The following ME1 variants were observed in gnomAD, a reference collection of about 807,000 sequenced individuals.
ME1 encodes the protein malic enzyme 1, also known as NADP-dependent malic enzyme.
In ME1, 74 loss-of-function variants were observed where a neutral mutation model predicts 66.4. The ratio of observed to expected loss-of-function variants is 1.11; its 90% CI spans 0.92 to 1.35. The LOEUF (loss-of-function observed/expected upper bound fraction) is 1.35, where lower values mean the gene tolerates loss of function less well. Ranked by LOEUF, ME1 falls within the 40% of genes most tolerant of loss-of-function variation. The pLI, the probability that ME1 is intolerant of heterozygous loss-of-function variation, is 0.00. For synonymous variants in ME1, 251 were observed against 235.6 expected (o/e 1.07, Z -0.60); for missense variants, 750 against 694.1 (o/e 1.08, Z -0.90).
intron 1 of ME1, among the ~76,000 whole-genome samples, chr6:83,412,241 A>T (rs186758631): frequency 2.0e-5 from 3 of 152,334 alleles, no homozygotes; most frequent in Admixed American, 2.0e-4. Context: ...AATTGCAAAA[A>T]AAAAGGAAAC....
Position 83,210,457 on chromosome 6 carries a change from T to G in ME1, c.*1467A>C, listed in dbSNP as rs1416413544. The G allele has an allele frequency of 6.6e-6, 1 of 152,628 alleles. No homozygotes were observed. The highest frequency in any genetic ancestry group is 1.5e-5 in the Non-Finnish European group (1 of 68,048). The allele number at this position is 152,628 out of a possible 1,614,324, so 9.5% of individuals were successfully genotyped here. Reference sequence around the variant, plus strand: ...CTTTTCTATGCTTTAATAAATCTTTTGCATAGGTAAACACATTTAGTCAGA... The same window carrying G: ...CTTTTCTATGCTTTAATAAATCTTTGGCATAGGTAAACACATTTAGTCAGA... On this transcript the variant is annotated 3_prime_UTR_variant, in exon 14 of 14. Coordinates refer to ENST00000369705, the MANE Select transcript of ME1 (RefSeq NM_002395.6).
chr6:83,346,888 T>C (rs1768697307), intron 4 of ME1, among the ~76,000 whole-genome samples: 1 of 152,086 alleles, frequency 6.6e-6, no homozygotes, highest in Non-Finnish European at 1.5e-5. Context: ...TACCTGAAAA[T>C]TTTCCACTAG....
chr6:83,215,083 A>G (rs1308247974), intron 13 of ME1, among the ~76,000 whole-genome samples: 2 of 152,234 alleles, frequency 1.3e-5, no homozygotes, highest in Non-Finnish European at 2.9e-5. Flanking sequence ...AGAATATATG[A>G]ACATACTTTT....
At chr6:83,249,317 C>G (rs1790680256) in intron 7 of ME1, among the ~76,000 whole-genome samples, 1 of 151,884 alleles carries the variant, frequency 6.6e-6, no homozygotes, top group South Asian at 2.1e-4. Flanking sequence ...TCTCAGCTTG[C>G]TGAAACCTCC....
At chr6:83,237,280 G>GAGAAAGAAAGA (rs1790426961) in intron 9 of ME1, among the ~76,000 whole-genome samples, 9 of 21,618 alleles carry the variant, frequency 4.2e-4, no homozygotes, top group African/African-American at 5.6e-4. Context: ...AGAAAGAAAG[G>GAGAAAGAAAGA]AAGGAAGGAA....
chr6:83,374,164 G>A (rs1476532916), intron 3 of ME1, among the ~76,000 whole-genome samples: 1 of 152,144 alleles, frequency 6.6e-6, no homozygotes, highest in African/African-American at 2.4e-5. Context: ...CTAGACCTTG[G>A]AGGAATCACC....
At chr6:83,247,587 T>C (rs1790648005) in intron 7 of ME1, among the ~76,000 whole-genome samples, 1 of 151,882 alleles carries the variant, frequency 6.6e-6, no homozygotes, top group Non-Finnish European at 1.5e-5. Flanking sequence ...TTTATTTACA[T>C]GGTAAGGCTG....
At chr6:83,284,697 T>C (rs1352261682) in intron 6 of ME1, among the ~76,000 whole-genome samples, 1 of 151,952 alleles carries the variant, frequency 6.6e-6, no homozygotes, top group Non-Finnish European at 1.5e-5. Context: ...AATGAACATA[T>C]CTAAAAATAA....
intron 3 of ME1, among the ~76,000 whole-genome samples, chr6:83,380,616 T>C (rs1769378267): frequency 6.6e-6 from 1 of 152,124 alleles, no homozygotes; most frequent in Admixed American, 6.6e-5. Context: ...ATCTCTGAGG[T>C]GTTTGCTTTA....
At chr6:83,271,357 T>G (rs749959991) in intron 6 of ME1, among the ~76,000 whole-genome samples, 1 of 152,192 alleles carries the variant, frequency 6.6e-6, no homozygotes, top group Non-Finnish European at 1.5e-5. Context: ...AAAAGAGCTG[T>G]GTGGCAGTTT....
chr6:83,271,491 A>T (rs977078343), intron 6 of ME1, among the ~76,000 whole-genome samples: 5 of 152,178 alleles, frequency 3.3e-5, no homozygotes, highest in Non-Finnish European at 5.9e-5. Context: ...CCTCTTTCTC[A>T]TATGAACCTA....
At chr6:83,298,431 A>C (rs77977623) in intron 6 of ME1, among the ~76,000 whole-genome samples, 6,973 of 151,640 alleles carry the variant, frequency 0.046, 526 homozygotes, top group African/African-American at 0.16. Context: ...TTTATTGTAA[A>C]TTTGTTTAAG....
intron 5 of ME1, among the ~76,000 whole-genome samples, chr6:83,333,619 G>C (rs1384313977): frequency 6.6e-6 from 1 of 152,152 alleles, no homozygotes; most frequent in East Asian, 1.9e-4. Context: ...AACTCCAAGA[G>C]CTCAAATGGA....
intron 3 of ME1, among the ~76,000 whole-genome samples, chr6:83,375,178 C>G (rs1055608473): frequency 6.6e-6 from 1 of 152,114 alleles, no homozygotes; most frequent in Admixed American, 6.5e-5. Flanking sequence ...CTATAAATTA[C>G]TTTGGGCAGT....
At chr6:83,408,873 C>T (rs1769993951) in intron 1 of ME1, among the ~76,000 whole-genome samples, 1 of 152,146 alleles carries the variant, frequency 6.6e-6, no homozygotes, top group East Asian at 1.9e-4. Flanking sequence ...AGGATAAGTA[C>T]ACCAATATGA....
At chr6:83,299,154 T>C (rs1353237031) in intron 6 of ME1, among the ~76,000 whole-genome samples, 3 of 151,870 alleles carry the variant, frequency 2.0e-5, no homozygotes, top group East Asian at 3.9e-4. Context: ...GGTAGTTTAA[T>C]GGAAATAGCA....
chr6:83,382,428 A>G (rs1769423718), intron 3 of ME1, among the ~76,000 whole-genome samples: 1 of 152,220 alleles, frequency 6.6e-6, no homozygotes, highest in East Asian at 1.9e-4. Flanking sequence ...CTTCCGGAAG[A>G]ATTGAATGGT....
At chr6:83,326,712 T>C (rs1768299191) in intron 5 of ME1, among the ~76,000 whole-genome samples, 3 of 152,158 alleles carry the variant, frequency 2.0e-5, no homozygotes, top group African/African-American at 7.2e-5. Flanking sequence ...GGAATGGTAA[T>C]TGTTAAAAAG....
chr6:83,409,892 G>A (rs1056201165), intron 1 of ME1, among the ~76,000 whole-genome samples: 2 of 152,214 alleles, frequency 1.3e-5, no homozygotes, highest in African/African-American at 4.8e-5. Flanking sequence ...TTCAATTTGT[G>A]TGGACAGCAG....
Sources: gnomAD v4.1 joint callset for allele counts (sites outside exome capture counted in the v4.1 genomes callset) on GRCh38, gnomAD v4.1.1 for gene constraint, MANE v1.5 for transcripts, NCBI Gene and HGNC (gene_info 2026-07-23, HGNC 2026-07-21) for gene names.